The following PKHD1 variants were observed in gnomAD, a reference collection of about 807,000 sequenced individuals.
The protein encoded by PKHD1 is fibrocystin.
PKHD1 carries 291 observed loss-of-function variants against 412.0 expected under a neutral mutation model. That is an observed-to-expected ratio of 0.71 (90% CI 0.64 to 0.78). PKHD1 has a LOEUF of 0.78. Among genes scored for constraint, PKHD1 ranks in the 30% least tolerant of loss-of-function variants. The probability of loss-of-function intolerance (pLI) is 0.00; values close to 1 mark genes in which losing one functional copy is unlikely to be tolerated. For missense variants in PKHD1, 4,825 were observed against 4,950.7 expected, an observed-to-expected ratio of 0.97 and a Z score of 0.76; for synonymous variants, 1,777 against 1,821.5, an observed-to-expected ratio of 0.98 and a Z score of 0.62.
intron 50 of PKHD1, among the ~76,000 whole-genome samples, chr6:51,837,911 C>G (rs999148325): frequency 6.6e-6 from 1 of 152,116 alleles, no homozygotes; most frequent in Non-Finnish European, 1.5e-5. Context: ...AGACCTGGTA[C>G]AATGACAACA....
At chr6:51,967,013 CTG>C in intron 35 of PKHD1, among the ~76,000 whole-genome samples, 1 of 152,106 alleles carries the variant, frequency 6.6e-6, no homozygotes, top group Non-Finnish European at 1.5e-5. Context: ...AGTACTGCAG[CTG>C]CAGCCTGAAG....
In PKHD1 at chr6:51,870,575, G is replaced by T. The variant is rs777543416; in HGVS notation, c.7415C>A (p.Thr2472Lys). 1 of 1,606,702 alleles carries T rather than the reference G, an allele frequency of 6.2e-7. No individual in the cohort carries two copies. The highest frequency in any genetic ancestry group is 1.7e-5 in the Admixed American group (1 of 60,004). Residue 2472 changes from threonine (T) to lysine (K), a missense_variant, in exon 47 of 67, where the codon ACA becomes AAA. Transcript: ENST00000371117. ...PKRWELMVSN[T>K]TFVNFDLINC... ...GATGAGATCAAAATTAACAAAGGTTGTGTTAGACACCATCAGTTCCCATCT... is the reference window on the plus strand; with the variant it reads ...GATGAGATCAAAATTAACAAAGGTTTTGTTAGACACCATCAGTTCCCATCT...
At chr6:52,066,505 T>A (rs1809725861) in intron 11 of PKHD1, among the ~76,000 whole-genome samples, 1 of 152,052 alleles carries the variant, frequency 6.6e-6, no homozygotes, top group Non-Finnish European at 1.5e-5. Flanking sequence ...AGAATGAATT[T>A]CACTGTCTTT....
rs1244491200 is a variant in PKHD1 at position 52,065,166 on chromosome 6, T to TAGAGAG, written c.881-117_881-116insCTCTCT. 679 of 49,916 alleles carry TAGAGAG rather than the reference T, an allele frequency of 0.014. 4 individuals carry two copies. Among genetic ancestry groups the TAGAGAG allele is most frequent in the Non-Finnish European group, 0.016 (499 of 30,416 alleles). The allele number at this position is 49,916 out of a possible 1,614,324, so 3.1% of individuals were successfully genotyped here. Reference sequence around the variant, plus strand: ...ATATATATATATATATATATATATATATAGAGAGAGAGAGAGAGAGAGAGA... The same window carrying TAGAGAG: ...ATATATATATATATATATATATATATAGAGAGATAGAGAGAGAGAGAGAGAGAGAGA... On this transcript the variant is annotated intron_variant, in intron 12 of 66. Coordinates refer to ENST00000371117, the MANE Select transcript of PKHD1 (RefSeq NM_138694.4).
At chr6:51,737,954 T>C (rs896691218) in intron 60 of PKHD1, among the ~76,000 whole-genome samples, 2 of 152,144 alleles carry the variant, frequency 1.3e-5, no homozygotes, top group South Asian at 2.1e-4. Flanking sequence ...AGAGTAATAA[T>C]TTAAAAAAAT....
At chr6:52,013,185 C>A (rs553618284) in intron 34 of PKHD1, among the ~76,000 whole-genome samples, 10 of 152,166 alleles carry the variant, frequency 6.6e-5, no homozygotes, top group Non-Finnish European at 1.2e-4. Flanking sequence ...CCACTTGCCT[C>A]ATAAACCTTC....
intron 55 of PKHD1, among the ~76,000 whole-genome samples, chr6:51,757,246 T>C (rs544144469): frequency 6.6e-6 from 1 of 152,292 alleles, no homozygotes; most frequent in South Asian, 2.1e-4. Flanking sequence ...TCTGAGAAGT[T>C]TCATGTGAAA....
intron 60 of PKHD1, among the ~76,000 whole-genome samples, chr6:51,668,096 G>A (rs1774175212): frequency 6.6e-6 from 1 of 152,142 alleles, no homozygotes; most frequent in African/African-American, 2.4e-5. Flanking sequence ...GTCATTGGTA[G>A]CTTGATGAGG....
At chr6:51,807,705 C>A (rs1026750379) in intron 52 of PKHD1, among the ~76,000 whole-genome samples, 2 of 151,922 alleles carry the variant, frequency 1.3e-5, no homozygotes, top group African/African-American at 4.8e-5. Flanking sequence ...ATCCATATAT[C>A]AAGCCAAGCA....
intron 66 of PKHD1, chr6:51,622,225 T>A (rs1273980351): frequency 1.3e-5 from 2 of 152,256 alleles, no homozygotes; most frequent in Non-Finnish European, 1.5e-5. Flanking sequence ...GAGCAGCAAA[T>A]ATGCACTGTG....
chr6:51,796,517 G>A (rs1794630483), intron 52 of PKHD1, among the ~76,000 whole-genome samples: 1 of 151,234 alleles, frequency 6.6e-6, no homozygotes, highest in South Asian at 2.1e-4. Context: ...TCAGATCTTG[G>A]TTATTTCTTG....
chr6:51,657,752 T>A (rs1414667113), intron 61 of PKHD1, among the ~76,000 whole-genome samples: 1 of 152,154 alleles, frequency 6.6e-6, no homozygotes, highest in Admixed American at 6.5e-5. Context: ...CACTCTCTGC[T>A]GGTTTTCTTC....
At chr6:51,823,622 G>T (rs963716357) in intron 52 of PKHD1, among the ~76,000 whole-genome samples, 13 of 151,992 alleles carry the variant, frequency 8.6e-5, no homozygotes, top group Admixed American at 3.3e-4. Context: ...GACAAATTAA[G>T]ATTGGAAAAA....
rs552311389 is a variant in PKHD1 at position 51,618,465 on chromosome 6, C to G, written c.*616G>C. 7.1e-5 allele frequency: 11 copies of G among 154,456 alleles called. No homozygotes were observed. Among genetic ancestry groups the G allele is most frequent in the African/African-American group, 2.7e-4 (11 of 41,482 alleles). 9.6% of individuals were successfully genotyped at this position (154,456 alleles called of 1,614,324 possible). A position where few individuals can be genotyped will look rare whatever the true frequency, so the allele number is the denominator to read the frequency against. On this transcript the variant is annotated 3_prime_UTR_variant, in exon 67 of 67. Transcript: ENST00000371117. ...TTCATGTGTAAATCCTCATGAAGTG[C>G]AAATTTGATACGCTCACACTACTGT...
chr6:51,736,164 G>A (rs1031990754), intron 60 of PKHD1, among the ~76,000 whole-genome samples: 2 of 152,162 alleles, frequency 1.3e-5, no homozygotes, highest in Non-Finnish European at 2.9e-5. Flanking sequence ...GTTAGATGCT[G>A]TTATTGTTAA....
chr6:51,739,231 A>G (rs559854366), intron 60 of PKHD1, among the ~76,000 whole-genome samples: 1 of 150,542 alleles, frequency 6.6e-6, no homozygotes, highest in Non-Finnish European at 1.5e-5. Flanking sequence ...TTATATATAT[A>G]ATATATATAA....
chr6:51,739,915 T>C (rs1784356331), intron 60 of PKHD1: 1 of 510,354 alleles, frequency 2.0e-6, no homozygotes, highest in South Asian at 1.4e-5. Flanking sequence ...TGCCATCCAT[T>C]TGTAGTCTGG....
At chr6:52,009,993 T>A (rs924991097) in intron 35 of PKHD1, among the ~76,000 whole-genome samples, 1 of 152,048 alleles carries the variant, frequency 6.6e-6, no homozygotes, top group East Asian at 1.9e-4. Flanking sequence ...GCCATTTATT[T>A]TGTGAAGAAA....
intron 37 of PKHD1, among the ~76,000 whole-genome samples, chr6:51,919,530 T>G (rs2145325): frequency 6.6e-6 from 1 of 151,942 alleles, no homozygotes; most frequent in African/African-American, 2.4e-5. Context: ...TGGTTACTGT[T>G]GCCTTGTAAT....
Sources: gnomAD v4.1 joint callset for allele counts (sites outside exome capture counted in the v4.1 genomes callset) on GRCh38, gnomAD v4.1.1 for gene constraint, MANE v1.5 for transcripts, NCBI Gene and HGNC (gene_info 2026-07-23, HGNC 2026-07-21) for gene names.